CYP39A1: variants seen among roughly 807,000 people sequenced by gnomAD.
The protein encoded by CYP39A1 is cytochrome P450 family 39 subfamily A member 1.
Under a neutral mutation model 58.1 loss-of-function variants are expected in CYP39A1, and 49 were observed. The ratio of observed to expected loss-of-function variants is 0.84; its 90% confidence interval spans 0.67 to 1.07. The LOEUF (loss-of-function observed/expected upper bound fraction) is 1.07. Among genes scored for constraint, CYP39A1 ranks in the 50% least tolerant of loss-of-function variants. The pLI, the probability that CYP39A1 is intolerant of heterozygous loss-of-function variation, is 0.00. For synonymous variants in CYP39A1, 209 were observed against 187.6 expected (o/e 1.11, Z -0.93); for missense variants, 531 against 539.4 (o/e 0.98, Z 0.16).
At chr6:46,618,176 G>A (rs1435247366) in intron 7 of CYP39A1, among the ~76,000 whole-genome samples, 5 of 151,988 alleles carry the variant, frequency 3.3e-5, no homozygotes, top group Non-Finnish European at 7.4e-5. Flanking sequence ...CAGGTACTAC[G>A]CTATCTATCT....
At chr6:46,586,681 C>T (rs1772488774) in intron 10 of CYP39A1, among the ~76,000 whole-genome samples, 2 of 152,030 alleles carry the variant, frequency 1.3e-5, no homozygotes, top group African/African-American at 4.8e-5. Context: ...CTGCTATGCT[C>T]CAAGCCAAAG....
intron 1 of CYP39A1, 25 bp downstream of exon 1, chr6:46,652,381 G>C (rs1426438412): frequency 6.3e-7 from 1 of 1,591,160 alleles, no homozygotes; most frequent in Non-Finnish European, 8.5e-7. Context: ...CTCCTCTGGA[G>C]ACCCCGTCTG....
At position 46,602,513 on chromosome 6, in the gene CYP39A1, C is replaced by T. The variant is rs532123388; in HGVS notation, c.932-6393G>A. ...ATGCTCTTGGTCCAGGTACCACACT[C>T]TAAGAACCACAGTGCTGGACTGGGC... On this transcript the variant is annotated intron_variant, in intron 7 of 11. Transcript: ENST00000275016. Among the ~76,000 whole-genome samples the T allele has an allele frequency of 7.4e-4, 113 of 151,892 alleles. 1 individual carries two copies. The South Asian group carries it at 0.023, about 31-fold the overall frequency.
chr6:46,573,550 C>T (rs984825914), intron 10 of CYP39A1, among the ~76,000 whole-genome samples: 1 of 152,134 alleles, frequency 6.6e-6, no homozygotes, highest in Admixed American at 6.6e-5. Context: ...GGAGTCCTAG[C>T]CAAAGGGATC....
At chr6:46,558,756 G>A (rs1770797448) in intron 10 of CYP39A1, among the ~76,000 whole-genome samples, 1 of 152,150 alleles carries the variant, frequency 6.6e-6, no homozygotes, top group Admixed American at 6.5e-5. Context: ...CCAGCACTTT[G>A]GGAGGCCGAG....
chr6:46,618,681 T>C (rs2150562659), intron 7 of CYP39A1, among the ~76,000 whole-genome samples: 1 of 152,236 alleles, frequency 6.6e-6, no homozygotes, highest in Admixed American at 6.5e-5. Flanking sequence ...TGGGACTAGG[T>C]GTATTACGTA....
At chr6:46,577,078 A>T (rs1276445855) in intron 10 of CYP39A1, among the ~76,000 whole-genome samples, 1 of 152,170 alleles carries the variant, frequency 6.6e-6, no homozygotes, top group Admixed American at 6.5e-5. Context: ...TAACAATGAA[A>T]CTTTCAGCAG....
chr6:46,648,856 T>C (rs1762496416), intron 1 of CYP39A1, among the ~76,000 whole-genome samples: 1 of 152,090 alleles, frequency 6.6e-6, no homozygotes. Flanking sequence ...AACAAATAGA[T>C]ACTTGTAGAT....
intron 7 of CYP39A1, among the ~76,000 whole-genome samples, chr6:46,609,888 C>A (rs1774110317): frequency 6.6e-6 from 1 of 152,126 alleles, no homozygotes; most frequent in Non-Finnish European, 1.5e-5. Context: ...TATTATTATA[C>A]ATGTTGTGTA....
At chr6:46,641,559 G>A (rs916806384) in intron 2 of CYP39A1, among the ~76,000 whole-genome samples, 14 of 152,210 alleles carry the variant, frequency 9.2e-5, no homozygotes, top group Middle Eastern at 3.4e-3. Context: ...CCAGCTCTGC[G>A]TTCCAGGGAG....
intron 1 of CYP39A1, among the ~76,000 whole-genome samples, chr6:46,652,150 A>G (rs1257098476): frequency 6.6e-6 from 1 of 152,262 alleles, no homozygotes; most frequent in Non-Finnish European, 1.5e-5. Context: ...TCGATGAAGT[A>G]AAAATACGAA....
chr6:46,648,312 C>G (rs1254132697), intron 1 of CYP39A1, among the ~76,000 whole-genome samples: 2 of 151,898 alleles, frequency 1.3e-5, no homozygotes, highest in South Asian at 4.2e-4. Context: ...TACATATACA[C>G]CATGGAATAC....
At chr6:46,640,495 C>T (rs1776261497) in intron 2 of CYP39A1, among the ~76,000 whole-genome samples, 1 of 152,156 alleles carries the variant, frequency 6.6e-6, no homozygotes, top group East Asian at 1.9e-4. Flanking sequence ...TGTTAGTATT[C>T]GTGCTCCTTC....
At chr6:46,611,727 A>G (rs1351612659) in intron 7 of CYP39A1, among the ~76,000 whole-genome samples, 1 of 152,160 alleles carries the variant, frequency 6.6e-6, no homozygotes, top group Non-Finnish European at 1.5e-5. Context: ...AATAAAAGGG[A>G]GAGAATATTG....
In CYP39A1 at chr6:46,652,435, G is replaced by T; in HGVS notation, c.148C>A (p.Leu50Ile). The stretch of plus-strand genomic sequence containing the variant: ...ATTCTTGCTTTCTCTATAAATTCTA[G>T]AGGGGCTTTCCCAAACTCAAATCCA... Reference protein sequence around the residue: ...GVGFEFGKAPLEFIEKARIKY... With the variant: ...GVGFEFGKAPIEFIEKARIKY... Residue 50 changes from leucine to isoleucine, a missense_variant, in exon 1 of 12, where the codon CTA becomes ATA. Physicochemically the swap from Leu to Ile is conservative, Grantham distance 5. Transcript: ENST00000275016. 4 of 1,613,566 alleles carry T rather than the reference G, an allele frequency of 2.5e-6. No individual in the cohort carries two copies. Among genetic ancestry groups the T allele is most frequent in the Non-Finnish European group, 3.4e-6 (4 of 1,179,830 alleles).
intron 10 of CYP39A1, among the ~76,000 whole-genome samples, chr6:46,566,596 G>A (rs915205377): frequency 6.6e-6 from 1 of 152,042 alleles, no homozygotes; most frequent in Non-Finnish European, 1.5e-5. Flanking sequence ...GGGGATTATG[G>A]GGATTATACA....
chr6:46,609,447 T>C (rs1018562368), intron 7 of CYP39A1, among the ~76,000 whole-genome samples: 2 of 151,982 alleles, frequency 1.3e-5, no homozygotes, highest in African/African-American at 2.4e-5. Context: ...AAGAAATTTA[T>C]TGGGTACCTA....
At chr6:46,628,567 G>T (rs1775459020) in intron 6 of CYP39A1, among the ~76,000 whole-genome samples, 1 of 152,122 alleles carries the variant, frequency 6.6e-6, no homozygotes, top group Non-Finnish European at 1.5e-5. Context: ...GGCCACAATG[G>T]AGCCTCCTAG....
intron 7 of CYP39A1, among the ~76,000 whole-genome samples, chr6:46,601,991 T>C (rs1374740962): frequency 6.6e-6 from 1 of 152,190 alleles, no homozygotes; most frequent in Non-Finnish European, 1.5e-5. Flanking sequence ...TCCCTTATAG[T>C]TCCTATTAAT....
Sources: gnomAD v4.1 joint callset for allele counts (sites outside exome capture counted in the v4.1 genomes callset) on GRCh38, gnomAD v4.1.1 for gene constraint, MANE v1.5 for transcripts, NCBI Gene and HGNC (gene_info 2026-07-23, HGNC 2026-07-21) for gene names.